The following HTR3E variants were observed in gnomAD, a reference collection of about 807,000 sequenced individuals.
The protein encoded by HTR3E is 5-hydroxytryptamine (serotonin) receptor 3, family member E.
In HTR3E, 38 loss-of-function variants were observed where a neutral mutation model predicts 38.0. The ratio of observed to expected loss-of-function variants is 1.00; its 90% CI spans 0.77 to 1.31. The LOEUF (loss-of-function observed/expected upper bound fraction) is 1.31. HTR3E is among the 50% of genes most tolerant of loss of function. HTR3E has a pLI of 0.00. For synonymous variants in HTR3E, 210 were observed against 232.9 expected, an observed-to-expected ratio of 0.90 and a Z score of 0.89; for missense variants, 547 against 585.2, an observed-to-expected ratio of 0.93 and a Z score of 0.67.
At chr3:184,099,739 A>AAAAAAAAAAAAAAAAAAAC (rs767836103) in intron 1 of HTR3E, among the ~76,000 whole-genome samples, 2 of 113,098 alleles carry the variant, frequency 1.8e-5, no homozygotes, top group African/African-American at 7.4e-5. Flanking sequence ...AAAAAAAAAA[A>AAAAAAAAAAAAAAAAAAAC]AGAAAGAAAT....
At chr3:184,099,645 C>T (rs373527974) in intron 1 of HTR3E, among the ~76,000 whole-genome samples, 4,231 of 135,722 alleles carry the variant, frequency 0.031, 211 homozygotes, top group African/African-American at 0.11. Flanking sequence ...ACCCGGGAAG[C>T]GGAGCTTGCA....
In HTR3E at chr3:184,105,775, G is replaced by A. The variant is rs755418857; in HGVS notation, c.731G>A (p.Arg244Lys). ...CTCCTACCCCACCAGGTGGCCATCA[G>A]GCGCAGGCCCAGTCTCTATGTCATA... ...YDQIVFYVAIRRRPSLYVINL... is the reference protein window; with the variant it reads ...YDQIVFYVAIKRRPSLYVINL... The change falls in exon 7 of 9, where the codon AGG (arginine) becomes AAG (lysine). Residue 244 changes from arginine (R) to lysine (K), a missense_variant. Physicochemically the swap from Arg to Lys is conservative, Grantham distance 26 (BLOSUM62 2). Transcript: ENST00000415389. 6.2e-7 allele frequency: 1 copy of A among 1,613,786 alleles called. No individual in the cohort carries two copies. The highest frequency in any genetic ancestry group is 1.3e-5 in the African/African-American group (1 of 74,926).
intron 1 of HTR3E, among the ~76,000 whole-genome samples, chr3:184,098,240 C>T (rs1470549526): frequency 6.6e-6 from 1 of 152,138 alleles, no homozygotes; most frequent in East Asian, 1.9e-4. Flanking sequence ...CTTGGTGTCT[C>T]ACGTTGCTAG....
intron 1 of HTR3E, among the ~76,000 whole-genome samples, chr3:184,099,057 A>C (rs1711819579): frequency 2.0e-5 from 3 of 151,810 alleles, no homozygotes; most frequent in Non-Finnish European, 4.4e-5. Flanking sequence ...AAATTTAAAA[A>C]TTTAAAAAAG....
Position 184,106,010 on chromosome 3 carries a change from T to TA in HTR3E, c.925+43dup. On this transcript the variant is annotated intron_variant, in intron 7 of 8. Transcript: ENST00000415389. The surrounding 1 kb of genome is among the most constrained non-coding windows in gnomAD (Gnocchi z 4.1). ...CCTTTTGGAAGAGAAGGGTGGGAAC[T>TA]AACTCAGGAAGGGAGGTATTTTGGA... 6.2e-7 allele frequency: 1 copy of TA among 1,612,030 alleles called. No homozygotes were observed. The highest frequency in any genetic ancestry group is 1.3e-5 in the African/African-American group (1 of 74,962).
chr3:184,098,650 T>C (rs1303859227), intron 1 of HTR3E, among the ~76,000 whole-genome samples: 1 of 152,210 alleles, frequency 6.6e-6, no homozygotes, highest in Admixed American at 6.5e-5. Context: ...TAAGGCTCAA[T>C]GTCCTTGGCA....
rs199969600 is a variant in HTR3E, at chr3:184,101,990, A to AAAAACAAAAC, written c.279+476_279+485dup. Among the ~76,000 whole-genome samples, 59 of 152,280 alleles carry AAAAACAAAAC rather than the reference A, an allele frequency of 3.9e-4. 1 individual carries two copies. The highest frequency in any genetic ancestry group is 2.1e-3 in the East Asian group (11 of 5,172). On this transcript the variant is annotated intron_variant, in intron 3 of 8. Transcript: ENST00000415389. ...GAGCAACAGAGTGAGACTCTATCTC[A>AAAAACAAAAC]AAAACAAAACAAAACAAAACAAAAA... is the stretch of plus-strand genomic sequence containing the variant.
intron 6 of HTR3E, 71 bp downstream of exon 6, chr3:184,105,498 T>C (rs561443388): frequency 2.0e-6 from 3 of 1,495,336 alleles, no homozygotes; most frequent in East Asian, 2.3e-5. Flanking sequence ...CCATCAAATA[T>C]GTATCTCCCA....
chr3:184,105,107 A>G, intron 5 of HTR3E, 151 bp downstream of exon 5: 2 of 1,152,176 alleles, frequency 1.7e-6, no homozygotes, highest in South Asian at 3.3e-5. Flanking sequence ...GCAGAACCCA[A>G]GTCTGTCTTG....
intron 4 of HTR3E, 150 bp from the exon 5 acceptor site, chr3:184,104,637 A>C: frequency 3.0e-6 from 2 of 658,902 alleles, no homozygotes; most frequent in Non-Finnish European, 4.7e-6. Context: ...GGATCATTTG[A>C]GCCCAGGACA....
chr3:184,098,998 G>A (rs1044111406), intron 1 of HTR3E, among the ~76,000 whole-genome samples: 1 of 151,824 alleles, frequency 6.6e-6, no homozygotes, highest in Non-Finnish European at 1.5e-5. Context: ...AGTCAAGATC[G>A]CACCACTGCA....
At chr3:184,102,085 G>A (rs1329585838) in intron 3 of HTR3E, among the ~76,000 whole-genome samples, 3 of 152,300 alleles carry the variant, frequency 2.0e-5, no homozygotes, top group South Asian at 2.1e-4. Context: ...TAATAAACAT[G>A]TCAAACTTTG....
intron 1 of HTR3E, among the ~76,000 whole-genome samples, chr3:184,099,739 A>AAAAACAAAAAC (rs767836103): frequency 1.8e-5 from 2 of 113,098 alleles, no homozygotes; most frequent in African/African-American, 3.7e-5. Context: ...AAAAAAAAAA[A>AAAAACAAAAAC]AGAAAGAAAT....
chr3:184,101,368 C>T lies in HTR3E; in HGVS notation c.235-117C>T. On this transcript the variant is annotated intron_variant, in intron 2 of 8. Coordinates refer to ENST00000415389, the MANE Select transcript of HTR3E (RefSeq NM_001256613.2). ...CATGGGTTTGGATAGAGCTTTTGTTCTGGATCACATATCCCCTTTATATAC... is the reference window on the plus strand; with the variant it reads ...CATGGGTTTGGATAGAGCTTTTGTTTTGGATCACATATCCCCTTTATATAC... The T allele has an allele frequency of 4.5e-6, 4 of 883,674 alleles. No homozygotes were observed. The South Asian group carries it at 5.4e-5, about 12-fold the overall frequency. 54.7% of individuals were successfully genotyped at this position (883,674 alleles called of 1,614,324 possible).
At chr3:184,100,167 A>G (rs757189383) in intron 1 of HTR3E, 754 of 1,409,230 alleles carry the variant, frequency 5.4e-4, no homozygotes, top group Non-Finnish European at 6.5e-4. Flanking sequence ...GCAGCAGACA[A>G]ACCTGGGTTC....
intron 4 of HTR3E, 135 bp downstream of exon 4, chr3:184,104,426 C>A: frequency 2.2e-6 from 3 of 1,383,910 alleles, no homozygotes; most frequent in South Asian, 1.5e-5. Context: ...AGAAACTGAG[C>A]CAGGCGCAGT....
chr3:184,102,457 C>G (rs1472724813), intron 3 of HTR3E, among the ~76,000 whole-genome samples: 1 of 126,140 alleles, frequency 7.9e-6, no homozygotes, highest in Admixed American at 1.0e-4. Context: ...GAGTGAGACC[C>G]TATCACACAC....
chr3:184,105,124 A>C, intron 5 of HTR3E, 143 bp from the exon 6 acceptor site: 1 of 1,165,562 alleles, frequency 8.6e-7, no homozygotes, highest in Non-Finnish European at 1.2e-6. Context: ...CTTGTTCCTT[A>C]CCATCCCAAG....
chr3:184,098,904 TGTG>T (rs544485449), intron 1 of HTR3E, among the ~76,000 whole-genome samples: 1 of 151,750 alleles, frequency 6.6e-6, no homozygotes, highest in South Asian at 2.1e-4. Flanking sequence ...ACTAGCCTGA[TGTG>T]GTGGTAGTGC....
Sources: allele counts gnomAD v4.1 joint callset (sites outside exome capture counted in the v4.1 genomes callset), GRCh38; gene constraint gnomAD v4.1.1; non-coding constraint Gnocchi (gnomAD v3.1); transcripts MANE v1.5; gene names NCBI Gene and HGNC (gene_info 2026-07-23, HGNC 2026-07-21).